Variants in TMPRSS12 observed in about 807,000 individuals in gnomAD.
The protein encoded by TMPRSS12 is transmembrane protease serine 12.
TMPRSS12 carries 25 observed loss-of-function variants against 26.0 expected under a neutral mutation model. The ratio of observed to expected loss-of-function variants is 0.96; its 90% CI spans 0.70 to 1.34. The LOEUF (loss-of-function observed/expected upper bound fraction) is 1.34. TMPRSS12 is among the 40% of genes most tolerant of loss of function. The pLI is 0.00. For missense variants in TMPRSS12, 441 were observed against 440.1 expected (o/e 1.00, Z -0.02); for synonymous variants, 150 against 161.7 (o/e 0.93, Z 0.55).
chr12:50,843,275 C>T, intron 1 of TMPRSS12, 124 bp downstream of exon 1: 2 of 964,474 alleles, frequency 2.1e-6, no homozygotes, highest in Non-Finnish European at 2.9e-6. Flanking sequence ...TTTTACATAC[C>T]TAAGCAGTTT....
At chr12:50,860,573 G>A (rs541868549) in intron 3 of TMPRSS12, among the ~76,000 whole-genome samples, 6 of 152,122 alleles carry the variant, frequency 3.9e-5, no homozygotes, top group Admixed American at 2.0e-4. Flanking sequence ...GTGCCACCAC[G>A]CCCAGCTTTT....
At chr12:50,857,480 T>C (rs991504350) in intron 2 of TMPRSS12, among the ~76,000 whole-genome samples, 2 of 152,106 alleles carry the variant, frequency 1.3e-5, no homozygotes, top group Non-Finnish European at 2.9e-5. Context: ...CACACACACA[T>C]ATGCATGCAC....
At chr12:50,859,992 G>A (rs1592219517) in intron 3 of TMPRSS12, among the ~76,000 whole-genome samples, 1 of 152,202 alleles carries the variant, frequency 6.6e-6, no homozygotes, top group South Asian at 2.1e-4. Context: ...ACTTTTTGAG[G>A]GGTCTATTTT....
At chr12:50,861,686 T>C (rs1160429726) in intron 3 of TMPRSS12, among the ~76,000 whole-genome samples, 1 of 152,142 alleles carries the variant, frequency 6.6e-6, no homozygotes, top group African/African-American at 2.4e-5. Context: ...AATGAATGAG[T>C]AAAATAAAGC....
chr12:50,848,602 A>C (rs1340914728), intron 2 of TMPRSS12, among the ~76,000 whole-genome samples: 1 of 152,138 alleles, frequency 6.6e-6, no homozygotes, highest in African/African-American at 2.4e-5. Context: ...ATAATCTTTC[A>C]GTTTCAGCTC....
intron 3 of TMPRSS12, 146 bp from the exon 4 acceptor site, chr12:50,885,100 C>A (rs1938212117): frequency 1.5e-6 from 1 of 661,340 alleles, no homozygotes; most frequent in Non-Finnish European, 2.4e-6. Context: ...CCTAGGCATA[C>A]ATACATATTC....
chr12:50,853,581 CAAAAAA>C (rs34657217), intron 2 of TMPRSS12, among the ~76,000 whole-genome samples: 5 of 102,402 alleles, frequency 4.9e-5, no homozygotes, highest in African/African-American at 1.8e-4. Flanking sequence ...GCTAGACTAA[CAAAAAA>C]AAAAAAAAAA....
intron 3 of TMPRSS12, among the ~76,000 whole-genome samples, chr12:50,860,720 C>T (rs972343883): frequency 3.3e-5 from 5 of 152,196 alleles, no homozygotes; most frequent in Non-Finnish European, 7.3e-5. Flanking sequence ...AGTAATCCTC[C>T]TGCCTCAGCC....
chr12:50,885,484 C>A, intron 4 of TMPRSS12, 96 bp downstream of exon 4: 1 of 1,361,646 alleles, frequency 7.3e-7, no homozygotes, highest in South Asian at 1.2e-5. Context: ...TCTTAATTAT[C>A]AGGCCTAAAA....
intron 2 of TMPRSS12, among the ~76,000 whole-genome samples, chr12:50,854,515 A>G (rs777697317): frequency 1.1e-4 from 16 of 152,184 alleles, no homozygotes; most frequent in Admixed American, 1.3e-4. Context: ...GAGGAAGTCA[A>G]ACTATCTCTG....
intron 3 of TMPRSS12, among the ~76,000 whole-genome samples, chr12:50,872,907 G>T (rs1172850773): frequency 4.0e-5 from 4 of 99,442 alleles, no homozygotes; most frequent in Non-Finnish European, 8.3e-5. Context: ...ACATATATAT[G>T]ACTATATATG....
chr12:50,863,704 G>C (rs1937960298), intron 3 of TMPRSS12, among the ~76,000 whole-genome samples: 1 of 152,140 alleles, frequency 6.6e-6, no homozygotes, highest in Non-Finnish European at 1.5e-5. Context: ...ATATAACAAT[G>C]AAATGACAAA....
chr12:50,852,053 TA>T (rs1287329750), intron 2 of TMPRSS12, among the ~76,000 whole-genome samples: 1 of 152,118 alleles, frequency 6.6e-6, no homozygotes, highest in East Asian at 1.9e-4. Flanking sequence ...AAGTGAGTAC[TA>T]AAAATGGAAA....
chr12:50,857,792 TTG>T (rs1937893332), intron 2 of TMPRSS12, among the ~76,000 whole-genome samples: 9 of 29,510 alleles, frequency 3.0e-4, no homozygotes, highest in Admixed American at 3.9e-4. Flanking sequence ...TAGTTTTTTG[TTG>T]TTGTTGTTGT....
chr12:50,880,966 CTTTTTTTTTTTTTTTTTTTTTTTT>C (rs869152225), intron 3 of TMPRSS12, among the ~76,000 whole-genome samples: 1 of 61,786 alleles, frequency 1.6e-5, no homozygotes, highest in Non-Finnish European at 2.9e-5. Context: ...TCAGTAATTT[CTTTTTTTTTTTTTTTTTTTTTTTT>C]TTTTTTTTTG....
intron 3 of TMPRSS12, among the ~76,000 whole-genome samples, chr12:50,875,127 C>G (rs1161255966): frequency 6.6e-6 from 1 of 152,188 alleles, no homozygotes; most frequent in East Asian, 1.9e-4. Context: ...GCCCAAGTAG[C>G]CAAAGCAATC....
At chr12:50,885,444 CA>C in intron 4 of TMPRSS12, 56 bp downstream of exon 4, 1 of 1,596,398 alleles carries the variant, frequency 6.3e-7, no homozygotes, top group Non-Finnish European at 8.6e-7. Context: ...GGGAACTTGT[CA>C]AACAAGGCCT....
In TMPRSS12 at chr12:50,887,294, A is replaced by G; in HGVS notation, c.828A>G (p.Leu276=). 3 of 1,613,890 alleles carry G rather than the reference A, an allele frequency of 1.9e-6. No homozygotes were observed. In the East Asian group the frequency reaches 6.7e-5, roughly 36 times the overall value. The part of the protein sequence containing the change: ...GDSGGPLMCY[L]PEYKRFFVMG... ...GTGGGGGACCATTAATGTGCTACTT[A>G]CCAGAATATAAAAGATTTTTTGTAA... Residue 276 remains leucine (L), a synonymous_variant, in exon 5 of 5, where the codon TTA becomes TTG. Transcript: ENST00000398458.
chr12:50,885,525 A>G, intron 4 of TMPRSS12, 137 bp downstream of exon 4: 2 of 1,066,900 alleles, frequency 1.9e-6, no homozygotes, highest in South Asian at 1.3e-5. Flanking sequence ...CTTTTTAACT[A>G]TTTCAACAAT....
Sources: allele counts gnomAD v4.1 joint callset (sites outside exome capture counted in the v4.1 genomes callset), GRCh38; gene constraint gnomAD v4.1.1; transcripts MANE v1.5; gene names NCBI Gene and HGNC (gene_info 2026-07-23, HGNC 2026-07-21).